KALRN: variants seen among roughly 807,000 people sequenced by gnomAD.
KALRN encodes the protein kalirin RhoGEF kinase, also known as kalirin.
Under a neutral mutation model 353.7 loss-of-function variants are expected in KALRN, and 70 were observed. The observed-to-expected ratio is 0.20, with a 90% confidence interval of 0.16 to 0.24. The LOEUF (loss-of-function observed/expected upper bound fraction) is 0.24. Ranked by LOEUF, KALRN falls within the 10% of genes least tolerant of loss-of-function variation. The pLI is 1.00. For synonymous variants in KALRN, 1,391 were observed against 1,434.8 expected, an observed-to-expected ratio of 0.97 and a Z score of 0.69; for missense variants, 2,791 against 3,756.7, an observed-to-expected ratio of 0.74 and a Z score of 6.72.
At position 124,650,874 on chromosome 3, in the gene KALRN, GCCCCA is replaced by G; in HGVS notation, c.5735_5739del (p.Pro1912HisfsTer4). 6.2e-7 allele frequency: 1 copy of G among 1,614,180 alleles called. No homozygotes were observed. The highest frequency in any genetic ancestry group is 1.1e-5 in the South Asian group (1 of 91,078). Reference sequence around the variant, plus strand: ...TGCAGGCTGCCTGAATGAGGGGATGGCCCCACCCACACCTCCTAAAAACCCAGAAG... The same window carrying G: ...TGCAGGCTGCCTGAATGAGGGGATGGCCCACACCTCCTAAAAACCCAGAAG... On this transcript the variant is annotated frameshift_variant, in exon 38 of 60. Coordinates refer to ENST00000682506, the MANE Select transcript of KALRN (RefSeq NM_001388419.1). LOFTEE classifies it high-confidence loss of function.
rs77928420 is a variant in KALRN at position 124,084,321 on chromosome 3, C to G, written c.73+50508C>G. Among the ~76,000 whole-genome samples the G allele has an allele frequency of 2.7e-4, 41 of 152,346 alleles. No individual in the cohort carries two copies. The East Asian group carries it at 7.9e-3, about 29-fold the overall frequency. The stretch of plus-strand genomic sequence containing the variant: ...GGTGTTGTGCAGCCCCTCCCTGTGA[C>G]AGGTCATGGTGGCTGGGCCTTGGCC... On this transcript the variant is annotated intron_variant, in intron 1 of 59. Transcript: ENST00000682506.
chr3:124,696,429 A>T (rs1376604853), intron 54 of KALRN, among the ~76,000 whole-genome samples, 174 bp downstream of exon 54: 2 of 151,708 alleles, frequency 1.3e-5, no homozygotes, highest in African/African-American at 2.4e-5. Context: ...TGCCTCGCTA[A>T]TTTTTTTTGC....
In KALRN at chr3:124,657,330, C is replaced by A. The variant is rs141632491; in HGVS notation, c.5863-118C>A. 1,357 of 685,578 alleles carry A rather than the reference C, an allele frequency of 2.0e-3. 14 individuals carry two copies. The highest frequency in any genetic ancestry group is 0.012 in the South Asian group (650 of 56,146). The allele number at this position is 685,578 out of a possible 1,614,324, so 42.5% of individuals were successfully genotyped here. A position where few individuals can be genotyped will look rare whatever the true frequency, so the allele number is the denominator to read the frequency against. ...GTTGAATAGTGAGAAACCACAGAAGCATTTGTCCGCAAACTCACGCAGAGA... is the reference window on the plus strand; with the variant it reads ...GTTGAATAGTGAGAAACCACAGAAGAATTTGTCCGCAAACTCACGCAGAGA... On this transcript the variant is annotated intron_variant, in intron 39 of 59. Transcript: ENST00000682506.
intron 1 of KALRN, among the ~76,000 whole-genome samples, chr3:124,219,342 G>T (rs1039643785): frequency 2.0e-5 from 3 of 152,200 alleles, no homozygotes; most frequent in African/African-American, 7.2e-5. Flanking sequence ...AGCAGTTAGG[G>T]CAGGCACCCT....
intron 57 of KALRN, among the ~76,000 whole-genome samples, chr3:124,712,678 T>A: frequency 6.7e-6 from 1 of 148,970 alleles, no homozygotes; most frequent in African/African-American, 2.4e-5. Flanking sequence ...AAAAAAGCTT[T>A]ATATTACATA....
At chr3:124,249,750 G>T (rs1381741813) in intron 3 of KALRN, among the ~76,000 whole-genome samples, 2 of 152,170 alleles carry the variant, frequency 1.3e-5, no homozygotes, top group African/African-American at 4.8e-5. Flanking sequence ...ATTCTGATTT[G>T]GAGCAAAGAC....
chr3:124,373,944 G>T (rs1455828302), intron 10 of KALRN, among the ~76,000 whole-genome samples: 1 of 152,158 alleles, frequency 6.6e-6, no homozygotes, highest in Non-Finnish European at 1.5e-5. Flanking sequence ...GAGAAACTCT[G>T]TTCCACATAA....
At chr3:124,231,115 C>T (rs2079107264) in intron 2 of KALRN, among the ~76,000 whole-genome samples, 1 of 152,156 alleles carries the variant, frequency 6.6e-6, no homozygotes, top group East Asian at 1.9e-4. Flanking sequence ...GCCATGCTGC[C>T]ATGGGAACGT....
At chr3:124,648,703 A>G (rs1361213236) in intron 37 of KALRN, among the ~76,000 whole-genome samples, 1 of 152,200 alleles carries the variant, frequency 6.6e-6, no homozygotes, top group East Asian at 1.9e-4. Context: ...AAACAGGACA[A>G]TGGGGAGAAG....
At position 124,614,020 on chromosome 3, in the gene KALRN, A is replaced by G. The variant is rs2078279481; in HGVS notation, c.5183-18400A>G. Among the ~76,000 whole-genome samples, 3 of 152,218 alleles carry G rather than the reference A, an allele frequency of 2.0e-5. No individual in the cohort carries two copies. In the South Asian group the frequency reaches 6.2e-4, roughly 32 times the overall value. On this transcript the variant is annotated intron_variant, in intron 34 of 59. Coordinates refer to ENST00000682506, the MANE Select transcript of KALRN (RefSeq NM_001388419.1). ...TTTTCAGTGACAATTTGAGATCTAT[A>G]GAAGAGACTCATGGGTTGAGTATAA...
intron 57 of KALRN, among the ~76,000 whole-genome samples, chr3:124,702,649 A>T (rs968467537): frequency 3.9e-5 from 6 of 152,054 alleles, no homozygotes; most frequent in Admixed American, 3.9e-4. Context: ...TTTTTGTAAA[A>T]ATTTCCACAT....
intron 25 of KALRN, among the ~76,000 whole-genome samples, chr3:124,470,801 C>T (rs1393211264): frequency 6.6e-6 from 1 of 152,164 alleles, no homozygotes; most frequent in East Asian, 1.9e-4. Flanking sequence ...TGATACTCGC[C>T]CCAAAAGTGC....
intron 36 of KALRN, among the ~76,000 whole-genome samples, chr3:124,636,371 T>C (rs1470285953): frequency 6.6e-6 from 1 of 152,056 alleles, no homozygotes; most frequent in Non-Finnish European, 1.5e-5. Context: ...AAAACCACCA[T>C]CCTTCAGTGA....
At position 124,511,647 on chromosome 3, in the gene KALRN, C is replaced by G. The variant is rs547400749; in HGVS notation, c.4935+15234C>G. Among the ~76,000 whole-genome samples, 5 of 152,302 alleles carry G rather than the reference C, an allele frequency of 3.3e-5. No individual in the cohort carries two copies. In the East Asian group the frequency reaches 9.7e-4, roughly 29 times the overall value. ...CCCCTTCCCTCTGCCCCTGCTCCTC[C>G]CCTGGGTCCCAGGCAGTCTGCAAAC... On this transcript the variant is annotated intron_variant, in intron 33 of 59. Coordinates refer to ENST00000682506, the MANE Select transcript of KALRN (RefSeq NM_001388419.1).
At chr3:124,298,718 A>T in intron 5 of KALRN, 73 bp from the exon 6 acceptor site, 1 of 1,562,126 alleles carries the variant, frequency 6.4e-7, no homozygotes, top group South Asian at 1.1e-5. Flanking sequence ...TTCCCCTTCC[A>T]CTAGCTCTGA....
intron 10 of KALRN, among the ~76,000 whole-genome samples, chr3:124,358,635 C>T (rs916105339): frequency 1.3e-5 from 2 of 152,154 alleles, no homozygotes; most frequent in Non-Finnish European, 2.9e-5. Context: ...GCCTTAATAA[C>T]AACAACAATA....
At chr3:124,454,665 G>A (rs1036994728) in intron 21 of KALRN, among the ~76,000 whole-genome samples, 2 of 78,898 alleles carry the variant, frequency 2.5e-5, no homozygotes, top group Non-Finnish European at 7.2e-5. Flanking sequence ...ACCATGAACT[G>A]AAAATGTTTT....
intron 1 of KALRN, among the ~76,000 whole-genome samples, chr3:124,221,932 G>C (rs9824451): frequency 0.044 from 6,729 of 152,256 alleles, 500 homozygotes; most frequent in African/African-American, 0.15. Flanking sequence ...TGTGTTCTCA[G>C]ATGCAGAGCT....
chr3:124,333,963 G>A (rs891337618), intron 8 of KALRN, among the ~76,000 whole-genome samples: 8 of 152,304 alleles, frequency 5.3e-5, no homozygotes, highest in South Asian at 2.1e-4. Context: ...GCATTGGGGC[G>A]AGAGCAGCAA....
Sources: allele counts gnomAD v4.1 joint callset (sites outside exome capture counted in the v4.1 genomes callset), GRCh38; gene constraint gnomAD v4.1.1; transcripts MANE v1.5; gene names NCBI Gene and HGNC (gene_info 2026-07-23, HGNC 2026-07-21).